ANKFN1: variants seen among roughly 807,000 people sequenced by gnomAD.
ANKFN1 encodes ankyrin repeat and fibronectin type-III domain-containing protein 1.
ANKFN1 carries 74 observed loss-of-function variants against 108.7 expected under a neutral mutation model. The ratio of observed to expected loss-of-function variants is 0.68; its 90% CI spans 0.56 to 0.83. The LOEUF (loss-of-function observed/expected upper bound fraction) is 0.83, where lower values mean the gene tolerates loss of function less well. Ranked by LOEUF, ANKFN1 falls within the 40% of genes least tolerant of loss-of-function variation. The probability of loss-of-function intolerance (pLI) is 0.00; values close to 1 mark genes in which losing one functional copy is unlikely to be tolerated. For missense variants in ANKFN1, 1,505 were observed against 1,382.3 expected (o/e 1.09, Z -1.41); for synonymous variants, 547 against 516.2 (o/e 1.06, Z -0.81).
chr17:56,070,584 T>G (rs1277500279), intron 4 of ANKFN1, among the ~76,000 whole-genome samples: 2 of 152,166 alleles, frequency 1.3e-5, no homozygotes, highest in Non-Finnish European at 2.9e-5. Flanking sequence ...TATACCTTTT[T>G]GGGGCCACTG....
intron 8 of ANKFN1, among the ~76,000 whole-genome samples, chr17:56,408,924 GA>G (rs1037449867): frequency 5.4e-5 from 8 of 147,738 alleles, no homozygotes; most frequent in African/African-American, 2.0e-4. Context: ...ATGCTTTTAA[GA>G]TTTTTTTTTT....
intron 4 of ANKFN1, among the ~76,000 whole-genome samples, chr17:56,057,870 T>A (rs1314925651): frequency 5.3e-5 from 8 of 152,204 alleles, no homozygotes; most frequent in Non-Finnish European, 8.8e-5. Context: ...ATGACATTAA[T>A]TTCCTTCTAG....
chr17:56,070,981 A>G (rs1285226622), intron 4 of ANKFN1, among the ~76,000 whole-genome samples: 1 of 148,852 alleles, frequency 6.7e-6, no homozygotes, highest in Non-Finnish European at 1.5e-5. Flanking sequence ...TGATCTGCCC[A>G]CCTCAGCCTC....
intron 4 of ANKFN1, among the ~76,000 whole-genome samples, chr17:56,113,702 A>G (rs1906103900): frequency 2.0e-5 from 3 of 152,238 alleles, no homozygotes; most frequent in South Asian, 4.1e-4. Context: ...GGGCTCTACA[A>G]TTGTTAACCA....
intron 8 of ANKFN1, among the ~76,000 whole-genome samples, chr17:56,435,144 C>G (rs903536580): frequency 6.6e-6 from 1 of 152,092 alleles, no homozygotes; most frequent in Non-Finnish European, 1.5e-5. Context: ...TTTTTCCCTC[C>G]GTTCTGACAC....
At chr17:56,353,240 CTTT>C (rs61278649) in intron 5 of ANKFN1, among the ~76,000 whole-genome samples, 12 of 143,236 alleles carry the variant, frequency 8.4e-5, no homozygotes, top group African/African-American at 2.5e-4. Flanking sequence ...CTCTTAATTA[CTTT>C]TTTTTTTTTT....
intron 4 of ANKFN1, among the ~76,000 whole-genome samples, chr17:56,061,573 G>A (rs565893496): frequency 1.5e-4 from 23 of 151,968 alleles, no homozygotes; most frequent in African/African-American, 3.6e-4. Flanking sequence ...ACACCCAGCC[G>A]GTAGTTTGTA....
intron 10 of ANKFN1, among the ~76,000 whole-genome samples, chr17:56,444,111 CA>C (rs1294562540): frequency 2.0e-5 from 3 of 152,064 alleles, no homozygotes; most frequent in Non-Finnish European, 4.4e-5. Flanking sequence ...GTAGGGAGAA[CA>C]AATATCCAGT....
At chr17:56,220,070 G>A (rs1023771774) in intron 2 of ANKFN1, among the ~76,000 whole-genome samples, 5 of 152,102 alleles carry the variant, frequency 3.3e-5, no homozygotes, top group Non-Finnish European at 7.4e-5. Flanking sequence ...TCTGTCTTCC[G>A]AAGGTGATGT....
intron 2 of ANKFN1, among the ~76,000 whole-genome samples, chr17:56,215,032 C>T (rs1030650074): frequency 2.0e-5 from 3 of 152,222 alleles, no homozygotes; most frequent in African/African-American, 7.2e-5. Context: ...AATCCACTCA[C>T]TTTTCCAATA....
At chr17:56,326,911 A>C (rs2045531743) in intron 4 of ANKFN1, among the ~76,000 whole-genome samples, 1 of 152,182 alleles carries the variant, frequency 6.6e-6, no homozygotes, top group Admixed American at 6.5e-5. Context: ...GATACTGAGG[A>C]TATCTGCCAA....
intron 1 of ANKFN1, among the ~76,000 whole-genome samples, chr17:56,211,036 A>G (rs1914957276): frequency 6.6e-6 from 1 of 152,136 alleles, no homozygotes; most frequent in Admixed American, 6.5e-5. Flanking sequence ...CAAAGATTTT[A>G]TCCCACTCTG....
chr17:56,275,756 G>C (rs965248226), intron 3 of ANKFN1, among the ~76,000 whole-genome samples: 2 of 152,110 alleles, frequency 1.3e-5, no homozygotes, highest in African/African-American at 4.8e-5. Flanking sequence ...ACCTAATGCA[G>C]GAGAAACTGT....
chr17:56,396,837 G>C (rs1028424508), intron 8 of ANKFN1, among the ~76,000 whole-genome samples: 12 of 151,846 alleles, frequency 7.9e-5, no homozygotes, highest in African/African-American at 2.9e-4. Context: ...TTGATCCTAG[G>C]GTCTTTCCTC....
chr17:56,147,170 C>G (rs1225209740), intron 4 of ANKFN1, among the ~76,000 whole-genome samples: 2 of 152,202 alleles, frequency 1.3e-5, no homozygotes, highest in Admixed American at 1.3e-4. Flanking sequence ...CCACTATCAG[C>G]ATTTTGGTCA....
rs912241803 is a variant in ANKFN1 at position 56,412,311 on chromosome 17, A to T, written c.911-28016A>T. Among the ~76,000 whole-genome samples, 4 of 152,194 alleles carry T rather than the reference A, an allele frequency of 2.6e-5. No homozygotes were observed. The East Asian group carries it at 7.7e-4, about 29-fold the overall frequency. On this transcript the variant is annotated intron_variant, in intron 8 of 20. Coordinates refer to ENST00000682825, the MANE Select transcript of ANKFN1 (RefSeq NM_001370326.1). ...TGATCTTTTGTATTTCTGTGGTATC[A>T]GTTGTAATGTCTCCTCTTTCATTTC...
chr17:56,494,120 A>G (rs2051123237), intron 19 of ANKFN1, among the ~76,000 whole-genome samples: 1 of 152,170 alleles, frequency 6.6e-6, no homozygotes, highest in Admixed American at 6.5e-5. Context: ...AGGTGTTTGA[A>G]ACACTCAGGA....
intron 8 of ANKFN1, among the ~76,000 whole-genome samples, chr17:56,434,186 TC>T (rs1180117432): frequency 6.6e-6 from 1 of 152,164 alleles, no homozygotes; most frequent in East Asian, 1.9e-4. Flanking sequence ...ACACCTCTGC[TC>T]CCTACCTGTA....
chr17:56,304,240 G>A (rs11871541), intron 3 of ANKFN1, among the ~76,000 whole-genome samples: 26,849 of 152,038 alleles, frequency 0.18, 2,908 homozygotes, highest in African/African-American at 0.32. Context: ...ATGTTATATA[G>A]ATGGAATAAT....
Sources: gnomAD v4.1 joint callset for allele counts (sites outside exome capture counted in the v4.1 genomes callset) on GRCh38, gnomAD v4.1.1 for gene constraint, MANE v1.5 for transcripts, NCBI Gene and HGNC (gene_info 2026-07-23, HGNC 2026-07-21) for gene names.